The following MKLN1 variants were observed in gnomAD, a reference collection of about 807,000 sequenced individuals.
The protein encoded by MKLN1 is muskelin.
In MKLN1, 18 loss-of-function variants were observed where a neutral mutation model predicts 99.0. The ratio of observed to expected loss-of-function variants is 0.18; its 90% CI spans 0.13 to 0.27. The LOEUF (loss-of-function observed/expected upper bound fraction) is 0.27, where lower values mean the gene tolerates loss of function less well. Among genes scored for constraint, MKLN1 ranks in the 10% least tolerant of loss-of-function variants. The probability of loss-of-function intolerance (pLI) is 1.00; values close to 1 mark genes in which losing one functional copy is unlikely to be tolerated. For synonymous variants in MKLN1, 288 were observed against 293.2 expected, an observed-to-expected ratio of 0.98 and a Z score of 0.18; for missense variants, 621 against 875.9, an observed-to-expected ratio of 0.71 and a Z score of 3.67.
chr7:131,464,464 C>A, intron 14 of MKLN1, 56 bp downstream of exon 14: 1 of 959,160 alleles, frequency 1.0e-6, no homozygotes, highest in Admixed American at 1.8e-5. Context: ...TGAAACAATC[C>A]CCAAATATAT....
chr7:131,327,810 G>A (rs1798926781), upstream of MKLN1: 10 of 1,492,328 alleles, frequency 6.7e-6, no homozygotes, highest in Non-Finnish European at 8.8e-6. Flanking sequence ...GGCCGGGGAG[G>A]GCGGCGGCCC....
At chr7:131,288,048 A>G (rs1798159040) in intron 3 of MKLN1, among the ~76,000 whole-genome samples, 1 of 152,144 alleles carries the variant, frequency 6.6e-6, no homozygotes, top group South Asian at 2.1e-4. Flanking sequence ...TTCCAGTAGT[A>G]TCTTTAAATT....
At chr7:131,172,864 C>T (rs1796236747) in intron 2 of MKLN1, among the ~76,000 whole-genome samples, 1 of 152,096 alleles carries the variant, frequency 6.6e-6, no homozygotes, top group Non-Finnish European at 1.5e-5. Context: ...CACTGTAAAT[C>T]TCTGTGTAAT....
At chr7:131,443,758 G>T in intron 11 of MKLN1, 56 bp downstream of exon 11, 1 of 1,260,536 alleles carries the variant, frequency 7.9e-7, no homozygotes, top group South Asian at 1.2e-5. Context: ...ATCTAGATAG[G>T]AAAAGAAGTG....
intron 3 of MKLN1, among the ~76,000 whole-genome samples, chr7:131,296,634 A>T (rs924614545): frequency 6.6e-6 from 1 of 152,208 alleles, no homozygotes; most frequent in African/African-American, 2.4e-5. Flanking sequence ...CACACCTGTA[A>T]TCCTAATTAC....
At chr7:131,189,839 T>C (rs1477455477) in intron 2 of MKLN1, among the ~76,000 whole-genome samples, 1 of 152,122 alleles carries the variant, frequency 6.6e-6, no homozygotes, top group Non-Finnish European at 1.5e-5. Flanking sequence ...GCTGTTGATG[T>C]TATTGAGGAG....
intron 3 of MKLN1, among the ~76,000 whole-genome samples, chr7:131,307,877 G>A (rs566790113): frequency 1.3e-5 from 2 of 152,316 alleles, no homozygotes; most frequent in African/African-American, 4.8e-5. Context: ...AGGAATAATT[G>A]TATTTTGCAA....
chr7:131,261,869 T>C (rs1050297223), intron 3 of MKLN1, among the ~76,000 whole-genome samples: 4 of 152,174 alleles, frequency 2.6e-5, no homozygotes, highest in African/African-American at 9.7e-5. Flanking sequence ...CTAGAGGCCA[T>C]AGTACTAAGC....
intron 3 of MKLN1, among the ~76,000 whole-genome samples, chr7:131,258,326 C>CTCTGTTGCTGGAGGAAGGT (rs2116530695): frequency 6.8e-6 from 1 of 146,090 alleles, no homozygotes; most frequent in Admixed American, 7.0e-5. Context: ...TCCTGAGATG[C>CTCTGTTGCTGGAGGAAGGT]TCTGTTGCTG....
chr7:131,376,565 C>T (rs1247641658), intron 2 of MKLN1, among the ~76,000 whole-genome samples: 3 of 150,740 alleles, frequency 2.0e-5, no homozygotes, highest in Non-Finnish European at 4.4e-5. Context: ...TCGTTTGAAC[C>T]CAGGAGGCAG....
chr7:131,198,937 G>A (rs769491825), intron 2 of MKLN1, among the ~76,000 whole-genome samples: 1 of 152,164 alleles, frequency 6.6e-6, no homozygotes, highest in South Asian at 2.1e-4. Flanking sequence ...AAGCCTGATC[G>A]TATTGTTGAT....
At chr7:131,283,132 CAG>C (rs1393573453) in intron 3 of MKLN1, among the ~76,000 whole-genome samples, 5 of 152,192 alleles carry the variant, frequency 3.3e-5, no homozygotes, top group African/African-American at 4.8e-5. Context: ...GCTCATTATA[CAG>C]ATCAAACTTT....
chr7:131,153,663 G>GTTTTTTTTTT lies in MKLN1; in HGVS notation c.-297+10722_-297+10723insTTTTTTTTTT, dbSNP rs144256871. 5.9e-5 allele frequency among the ~76,000 whole-genome samples: 8 copies of GTTTTTTTTTT among 135,246 alleles called. 3 individuals are homozygous for GTTTTTTTTTT. Among genetic ancestry groups the GTTTTTTTTTT allele is most frequent in the Non-Finnish European group, 1.1e-4 (7 of 64,784 alleles). The allele number at this position is 135,246 out of a possible 152,430, so 88.7% of individuals were successfully genotyped here. On this transcript the variant is annotated intron_variant, in intron 2 of 7. Transcript: ENST00000416992. ...TACAAAATGAAAGTAGGTTTTTTTT[G>GTTTTTTTTTT]GTTTTTTTTTTTTTTTTGAGAAGGA...
intron 2 of MKLN1, among the ~76,000 whole-genome samples, chr7:131,173,140 A>AACACACACACACAC (rs56672099): frequency 1.0e-4 from 15 of 150,002 alleles, no homozygotes; most frequent in African/African-American, 3.7e-4. Context: ...TGTATATACA[A>AACACACACACACAC]ACACACACAC....
At chr7:131,429,197 G>A (rs749357792) in intron 9 of MKLN1, 52 bp downstream of exon 9, 1 of 1,210,332 alleles carries the variant, frequency 8.3e-7, no homozygotes, top group South Asian at 1.4e-5. Context: ...GCGTAGATGT[G>A]CACTTGTTTT....
chr7:131,459,655 G>C (rs1796456325), intron 12 of MKLN1, among the ~76,000 whole-genome samples: 1 of 152,008 alleles, frequency 6.6e-6, no homozygotes, highest in African/African-American at 2.4e-5. Context: ...TTCTTTGGAA[G>C]CTTTTAGAAT....
intron 3 of MKLN1, among the ~76,000 whole-genome samples, chr7:131,228,654 A>T (rs1424179791): frequency 1.3e-5 from 2 of 152,218 alleles, no homozygotes; most frequent in African/African-American, 4.8e-5. Flanking sequence ...GCAAGTAAAG[A>T]ACCAGACATA....
At chr7:131,180,510 C>A (rs1563243152) in intron 2 of MKLN1, among the ~76,000 whole-genome samples, 1 of 152,012 alleles carries the variant, frequency 6.6e-6, no homozygotes, top group Non-Finnish European at 1.5e-5. Context: ...ACCAGCATGG[C>A]CAACATGGTG....
At chr7:131,151,697 T>C (rs780081217) in intron 2 of MKLN1, among the ~76,000 whole-genome samples, 4 of 152,174 alleles carry the variant, frequency 2.6e-5, no homozygotes, top group Non-Finnish European at 5.9e-5. Flanking sequence ...TATAAAAATA[T>C]AGAATACAGA....
Sources: gnomAD v4.1 joint callset for allele counts (sites outside exome capture counted in the v4.1 genomes callset) on GRCh38, gnomAD v4.1.1 for gene constraint, MANE v1.5 for transcripts, NCBI Gene and HGNC (gene_info 2026-07-23, HGNC 2026-07-21) for gene names.